Variants in ATF7IP observed in about 807,000 individuals in gnomAD.
ATF7IP encodes the protein activating transcription factor 7-interacting protein 1.
A neutral mutation model predicts 106.4 loss-of-function variants in ATF7IP; 23 were observed. That is an observed-to-expected ratio of 0.22 (90% CI 0.16 to 0.31). The LOEUF (loss-of-function observed/expected upper bound fraction) is 0.31. Among genes scored for constraint, ATF7IP ranks in the 10% least tolerant of loss-of-function variants. The pLI is 1.00. For synonymous variants in ATF7IP, 542 were observed against 539.0 expected (o/e 1.01, Z -0.08); for missense variants, 1,334 against 1,524.3 (o/e 0.88, Z 2.08).
At chr12:14,467,914 T>A (rs1043126289) in intron 10 of ATF7IP, among the ~76,000 whole-genome samples, 2 of 152,306 alleles carry the variant, frequency 1.3e-5, no homozygotes, top group Admixed American at 1.3e-4. Context: ...AGATACAGAC[T>A]GTTTTCATCA....
At position 14,478,463 on chromosome 12, in the gene ATF7IP, C is replaced by A. The variant is rs765171307; in HGVS notation, c.3088C>A (p.Leu1030Ile). The change falls in exon 12 of 15, where the codon CTA (leucine) becomes ATA (isoleucine). Residue 1030 changes from leucine to isoleucine, a missense_variant. By Grantham distance (5) the Leu-to-Ile change is conservative (BLOSUM62 2). Coordinates refer to ENST00000261168, the MANE Select transcript of ATF7IP (RefSeq NM_018179.5). ...SGPSQTTIHL[L>I]PTAPTTVNVT... The stretch of plus-strand genomic sequence containing the variant: ...ACCATCTCAGACCACCATACACTTA[C>A]TACCTACAGGTAAATTTGTTGAATC... The A allele has an allele frequency of 1.9e-6, 3 of 1,613,908 alleles. No individual in the cohort carries two copies. Among genetic ancestry groups the A allele is most frequent in the Non-Finnish European group, 2.5e-6 (3 of 1,179,864 alleles).
At chr12:14,411,353 C>G (rs1940904584) in intron 1 of ATF7IP, among the ~76,000 whole-genome samples, 1 of 152,080 alleles carries the variant, frequency 6.6e-6, no homozygotes, top group African/African-American at 2.4e-5. Flanking sequence ...TTTTGACTTG[C>G]ATTTTGCTGA....
At chr12:14,401,053 T>C (rs1940162612) in intron 1 of ATF7IP, among the ~76,000 whole-genome samples, 1 of 152,194 alleles carries the variant, frequency 6.6e-6, no homozygotes, top group Non-Finnish European at 1.5e-5. Flanking sequence ...TTCTCCTAAC[T>C]TGTGGTTACT....
chr12:14,497,657 C>A lies in ATF7IP; in HGVS notation c.3397C>A (p.Pro1133Thr). Residue 1133 changes from proline (P) to threonine (T), a missense_variant, in exon 15 of 15, where the codon CCC becomes ACC. Pro to Thr is a conservative substitution (Grantham distance 38). Transcript: ENST00000261168. ...HHRPPQVHTE[P>T]PRPVHPAPLP... ...TCAGTGTGACCTGTTTCTTCAGGAG[C>A]CCCCACGCCCCGTGCACCCAGCACC... 6.2e-7 allele frequency: 1 copy of A among 1,609,320 alleles called. No individual in the cohort carries two copies. Among genetic ancestry groups the A allele is most frequent in the Non-Finnish European group, 8.5e-7 (1 of 1,177,174 alleles).
chr12:14,454,131 C>T (rs1943324399), intron 6 of ATF7IP, among the ~76,000 whole-genome samples: 4 of 152,178 alleles, frequency 2.6e-5, no homozygotes, highest in Admixed American at 2.6e-4. Context: ...GGAAGGGCTT[C>T]ACCAGTCAGC....
intron 13 of ATF7IP, 150 bp from the exon 14 acceptor site, chr12:14,496,081 C>T: frequency 3.6e-6 from 2 of 548,930 alleles, no homozygotes; most frequent in East Asian, 6.2e-5. Context: ...GATAGCTTGG[C>T]TGAATACGAA....
chr12:14,475,489 G>A (rs975859832), intron 10 of ATF7IP, among the ~76,000 whole-genome samples: 1 of 152,092 alleles, frequency 6.6e-6, no homozygotes, highest in African/African-American at 2.4e-5. Flanking sequence ...CAAAAATTTA[G>A]ATTATTTTCT....
At chr12:14,381,125 A>G (rs1938986049) in intron 1 of ATF7IP, among the ~76,000 whole-genome samples, 1 of 152,090 alleles carries the variant, frequency 6.6e-6, no homozygotes, top group Non-Finnish European at 1.5e-5. Flanking sequence ...TTTACTTTCT[A>G]TGATTTTCAG....
At position 14,424,800 on chromosome 12, in the gene ATF7IP, A is replaced by G; in HGVS notation, c.885A>G (p.Pro295=). 1 of 1,614,180 alleles carries G rather than the reference A, an allele frequency of 6.2e-7. No individual in the cohort carries two copies. Residue 295 remains proline, a synonymous_variant, in exon 2 of 15, where the codon CCA becomes CCG. Transcript: ENST00000261168. ...GTACCTTTGAACCAAAGTCTGTACC[A>G]GTTTGTGAACCAGTTCCTGAAATTG... ...FDRTFEPKSV[P]VCEPVPEIDN... is the part of the protein sequence containing the mutation.
intron 12 of ATF7IP, among the ~76,000 whole-genome samples, chr12:14,479,423 C>T (rs548480472): frequency 2.2e-4 from 33 of 152,228 alleles, no homozygotes; most frequent in South Asian, 1.9e-3. Flanking sequence ...GGTTTGTCTT[C>T]TGTATAGCAG....
At chr12:14,458,104 A>T (rs1393842219) in intron 8 of ATF7IP, among the ~76,000 whole-genome samples, 7 of 151,732 alleles carry the variant, frequency 4.6e-5, no homozygotes, top group Non-Finnish European at 8.8e-5. Flanking sequence ...TCAAAAAAAA[A>T]AATAATAAAT....
intron 11 of ATF7IP, among the ~76,000 whole-genome samples, chr12:14,477,106 A>T (rs909094505): frequency 6.6e-6 from 1 of 152,222 alleles, no homozygotes; most frequent in African/African-American, 2.4e-5. Flanking sequence ...ACTGGTGATT[A>T]TTGCACATGG....
intron 9 of ATF7IP, among the ~76,000 whole-genome samples, chr12:14,462,811 C>G (rs1943693415): frequency 6.6e-6 from 1 of 151,792 alleles, no homozygotes; most frequent in Non-Finnish European, 1.5e-5. Context: ...ACAATTATTT[C>G]TAAACATAAA....
In ATF7IP at chr12:14,424,760, A is replaced by G; in HGVS notation, c.845A>G (p.Glu282Gly). ...CTGGCCTCTGATGAGCTGACTTCTG[A>G]ATCAACCTTTGATCGTACCTTTGAA... ...GELASDELTS[E>G]STFDRTFEPK... Residue 282 changes from glutamate (E) to glycine (G), a missense_variant, in exon 2 of 15, where the codon GAA (glutamate) becomes GGA (glycine). Glu to Gly is a moderately conservative substitution (Grantham distance 98). This residue lies in a region of ATF7IP where 438 missense variants were observed against 405.3 expected (regional missense o/e 1.08). Transcript: ENST00000261168. 6.2e-7 allele frequency: 1 copy of G among 1,614,152 alleles called. No homozygotes were observed. The highest frequency in any genetic ancestry group is 8.5e-7 in the Non-Finnish European group (1 of 1,180,030).
chr12:14,456,680 C>A (rs1669492877), intron 7 of ATF7IP, 46 bp downstream of exon 7: 3 of 1,347,800 alleles, frequency 2.2e-6, no homozygotes, highest in South Asian at 2.4e-5. Flanking sequence ...GAACAAAGTT[C>A]TACTTTCTTT....
At chr12:14,370,831 G>A (rs1464350142) in intron 1 of ATF7IP, among the ~76,000 whole-genome samples, 1 of 151,528 alleles carries the variant, frequency 6.6e-6, no homozygotes, top group Admixed American at 6.6e-5. Flanking sequence ...TTAGACGTGG[G>A]AAAAATAAGT....
At chr12:14,456,667 A>G in intron 7 of ATF7IP, 33 bp downstream of exon 7, 1 of 1,465,320 alleles carries the variant, frequency 6.8e-7, no homozygotes. Context: ...GTTTTTAAAA[A>G]CAGAACAAAG....
chr12:14,398,259 T>C (rs1272675899), intron 1 of ATF7IP, among the ~76,000 whole-genome samples: 1 of 151,996 alleles, frequency 6.6e-6, no homozygotes, highest in African/African-American at 2.4e-5. Context: ...TGAGTTTGTG[T>C]TTTTTGTTAA....
chr12:14,384,906 CT>C (rs372885591), intron 1 of ATF7IP, among the ~76,000 whole-genome samples: 82 of 133,332 alleles, frequency 6.2e-4, no homozygotes, highest in Non-Finnish European at 7.6e-4. Context: ...CAAGGTTTAA[CT>C]TTTTTTTTTT....
Sources: allele counts gnomAD v4.1 joint callset (sites outside exome capture counted in the v4.1 genomes callset), GRCh38; gene constraint gnomAD v4.1.1; regional missense constraint gnomAD v4.1.1; transcripts MANE v1.5; gene names NCBI Gene and HGNC (gene_info 2026-07-23, HGNC 2026-07-21).